FGF12: variants seen among roughly 807,000 people sequenced by gnomAD.
FGF12 encodes fibroblast growth factor 12.
FGF12 carries 14 observed loss-of-function variants against 23.6 expected under a neutral mutation model. The ratio of observed to expected loss-of-function variants is 0.59; its 90% CI spans 0.39 to 0.93. FGF12 has a LOEUF of 0.93. FGF12 is among the 40% of genes least tolerant of loss of function. FGF12 has a pLI of 0.00. For synonymous variants in FGF12, 62 were observed against 77.3 expected (o/e 0.80, Z 1.04); for missense variants, 175 against 217.8 (o/e 0.80, Z 1.24).
At position 192,408,939 on chromosome 3, in the gene FGF12, G is replaced by A; in HGVS notation, c.14-48401C>T. ...TCCAGGGGCCGGCCACCCGAGTTCT[G>A]GAATTCCGAGAGGCGCGAAGTGGGA... On this transcript the variant is annotated intron_variant, in intron 2 of 5. Coordinates refer to ENST00000445105, the MANE Select transcript of FGF12 (RefSeq NM_004113.6). This position sits in a 1 kb window ranked among gnomAD's most constrained non-coding sequence, Gnocchi z 7.3. The A allele has an allele frequency of 1.0e-6, 1 of 985,224 alleles. No homozygotes were observed. Among genetic ancestry groups the A allele is most frequent in the South Asian group, 4.7e-5 (1 of 21,268 alleles). 61.0% of individuals were successfully genotyped at this position (985,224 alleles called of 1,614,324 possible).
chr3:192,302,049 A>G (rs1001759832), intron 4 of FGF12, among the ~76,000 whole-genome samples: 2 of 152,190 alleles, frequency 1.3e-5, no homozygotes, highest in African/African-American at 4.8e-5. Context: ...AAAATGTACA[A>G]CTGAGACGGT....
chr3:192,242,752 C>G (rs1719688411), intron 4 of FGF12, among the ~76,000 whole-genome samples: 1 of 152,016 alleles, frequency 6.6e-6, no homozygotes, highest in African/African-American at 2.4e-5. Context: ...TGCTATTTGA[C>G]CCTTCCAGAT....
intron 2 of FGF12, among the ~76,000 whole-genome samples, chr3:192,656,284 C>CACACACACAA (rs1388387155): frequency 7.1e-5 from 4 of 56,234 alleles, no homozygotes; most frequent in African/African-American, 1.3e-4. Flanking sequence ...TGAAAAGACA[C>CACACACACAA]ACACACACAC....
At chr3:192,453,624 C>T (rs940954187) in intron 2 of FGF12, among the ~76,000 whole-genome samples, 2 of 152,102 alleles carry the variant, frequency 1.3e-5, no homozygotes, top group African/African-American at 4.8e-5. Flanking sequence ...ACTATGTTTG[C>T]TTTCCTTCAG....
rs1451916002 is a variant in FGF12, at chr3:192,426,160, A to G, written c.14-65622T>C. ...TGTAAGACCTGGATTTGGTGTTGTT[A>G]TTACCATTAACTTGGTCTAAGATCC... On this transcript the variant is annotated intron_variant, in intron 2 of 5. Coordinates refer to ENST00000445105, the MANE Select transcript of FGF12 (RefSeq NM_004113.6). Among the ~76,000 whole-genome samples, 3 of 152,208 alleles carry G rather than the reference A, an allele frequency of 2.0e-5. No homozygotes were observed. The East Asian group carries it at 5.8e-4, about 29-fold the overall frequency.
chr3:192,497,666 C>T (rs1724003219), intron 2 of FGF12, among the ~76,000 whole-genome samples: 1 of 152,186 alleles, frequency 6.6e-6, no homozygotes, highest in South Asian at 2.1e-4. Context: ...ACCTGCTGTT[C>T]CTTCCAGCTG....
chr3:192,533,908 A>G (rs11705857), intron 2 of FGF12: 95,104 of 152,042 alleles, frequency 0.63, 30,613 homozygotes, highest in African/African-American at 0.77. Context: ...GCTTGAAAAC[A>G]TAAATGTCGA....
intron 4 of FGF12, among the ~76,000 whole-genome samples, chr3:192,208,054 T>G (rs1174942812): frequency 2.6e-5 from 4 of 152,206 alleles, no homozygotes; most frequent in Non-Finnish European, 4.4e-5. Context: ...AGTTTCTTAG[T>G]GCATTTAGGC....
intron 4 of FGF12, among the ~76,000 whole-genome samples, chr3:192,227,880 G>A (rs1165218232): frequency 6.6e-6 from 1 of 152,114 alleles, no homozygotes; most frequent in East Asian, 1.9e-4. Flanking sequence ...GAAGCAAGGG[G>A]AATGTTTTTC....
intron 2 of FGF12, among the ~76,000 whole-genome samples, chr3:192,413,250 T>C (rs1452959518): frequency 6.6e-6 from 1 of 152,176 alleles, no homozygotes; most frequent in Non-Finnish European, 1.5e-5. Context: ...TGTCCACAGA[T>C]TACATCCAGG....
intron 4 of FGF12, among the ~76,000 whole-genome samples, chr3:192,308,489 C>T (rs1715768334): frequency 6.6e-6 from 1 of 152,036 alleles, no homozygotes; most frequent in Non-Finnish European, 1.5e-5. Context: ...ACCAGCCTGA[C>T]CAACATGGAG....
intron 2 of FGF12, among the ~76,000 whole-genome samples, chr3:192,414,655 G>A (rs1373845920): frequency 1.3e-5 from 2 of 152,082 alleles, no homozygotes; most frequent in African/African-American, 2.4e-5. Context: ...TAATGTGATC[G>A]CCCAAGGTCA....
intron 4 of FGF12, among the ~76,000 whole-genome samples, chr3:192,172,061 C>A (rs904595403): frequency 1.3e-5 from 2 of 151,832 alleles, no homozygotes; most frequent in African/African-American, 4.8e-5. Flanking sequence ...TTGAATAGTT[C>A]CAACATTATA....
chr3:192,711,513 A>C lies in FGF12; in HGVS notation c.13+15668T>G, dbSNP rs560183536. 1.6e-4 allele frequency among the ~76,000 whole-genome samples: 24 copies of C among 152,314 alleles called. No individual in the cohort carries two copies. The East Asian group carries it at 4.4e-3, about 28-fold the overall frequency. On this transcript the variant is annotated intron_variant, in intron 2 of 5. Transcript: ENST00000445105. The stretch of plus-strand genomic sequence containing the variant: ...GGTTTTGTCGAATAGAAAAGGGGGA[A>C]ATGTGGGGAAAAGATAGAGAAATCA...
At chr3:192,539,769 C>T (rs1226514897) in intron 2 of FGF12, among the ~76,000 whole-genome samples, 1 of 151,976 alleles carries the variant, frequency 6.6e-6, no homozygotes, top group Admixed American at 6.6e-5. Context: ...CCATTGAAGC[C>T]ATCAGGTTCC....
intron 2 of FGF12, among the ~76,000 whole-genome samples, chr3:192,428,853 T>A (rs967535529): frequency 6.6e-6 from 1 of 152,138 alleles, no homozygotes; most frequent in African/African-American, 2.4e-5. Context: ...TGAGTCTGCA[T>A]ATGGCAATCC....
At chr3:192,330,512 C>T (rs1045562734) in intron 4 of FGF12, among the ~76,000 whole-genome samples, 1 of 152,086 alleles carries the variant, frequency 6.6e-6, no homozygotes, top group Non-Finnish European at 1.5e-5. Context: ...AACTGTATAT[C>T]CACATGCAAA....
At chr3:192,333,147 C>G (rs1717212392) in intron 4 of FGF12, among the ~76,000 whole-genome samples, 1 of 152,036 alleles carries the variant, frequency 6.6e-6, no homozygotes, top group African/African-American at 2.4e-5. Flanking sequence ...GAAACCACAA[C>G]CCAGCAATCC....
chr3:192,519,547 T>TC (rs1724763078), intron 2 of FGF12, among the ~76,000 whole-genome samples: 1 of 152,202 alleles, frequency 6.6e-6, no homozygotes, highest in Admixed American at 6.5e-5. Context: ...TACATTTTTT[T>TC]CATTTATAAT....
Sources: allele counts gnomAD v4.1 joint callset (sites outside exome capture counted in the v4.1 genomes callset), GRCh38; gene constraint gnomAD v4.1.1; non-coding constraint Gnocchi (gnomAD v3.1); transcripts MANE v1.5; gene names NCBI Gene and HGNC (gene_info 2026-07-23, HGNC 2026-07-21).